Variants in SLC22A24 observed in about 807,000 individuals in gnomAD.
SLC22A24 encodes solute carrier family 22 member 24.
A neutral mutation model predicts 49.8 loss-of-function variants in SLC22A24; 53 were observed. The ratio of observed to expected loss-of-function variants is 1.06; its 90% CI spans 0.85 to 1.34. The LOEUF is 1.34. Among genes scored for constraint, SLC22A24 ranks in the 40% most tolerant of loss-of-function variants. The pLI is 0.00. For missense variants in SLC22A24, 786 were observed against 675.9 expected (o/e 1.16, Z -1.81); for synonymous variants, 302 against 256.4 (o/e 1.18, Z -1.70).
At chr11:63,137,806 A>G (rs1330731859) in intron 1 of SLC22A24, 1 of 152,212 alleles carries the variant, frequency 6.6e-6, no homozygotes, top group East Asian at 1.9e-4. Context: ...GAGCAGGATC[A>G]TCAGAAGCCA....
At chr11:63,124,986 G>C (rs1229119829) in intron 2 of SLC22A24, among the ~76,000 whole-genome samples, 1 of 151,778 alleles carries the variant, frequency 6.6e-6, no homozygotes, top group Non-Finnish European at 1.5e-5. Flanking sequence ...ATAGCATTAG[G>C]AGATATACCT....
chr11:63,131,881 C>T (rs72920248), intron 2 of SLC22A24, among the ~76,000 whole-genome samples: 15,190 of 152,250 alleles, frequency 0.1, 813 homozygotes, highest in East Asian at 0.2. Flanking sequence ...TATCTTCTAA[C>T]TTGGTTCCAT....
intron 1 of SLC22A24, 130 bp downstream of exon 1, chr11:63,143,248 C>T (rs1449281157): frequency 2.5e-5 from 17 of 690,418 alleles, no homozygotes; most frequent in Non-Finnish European, 3.6e-5. Context: ...CTGCCACCTG[C>T]TAAAGGAATG....
At chr11:63,099,647 C>A (rs2087078608) in intron 5 of SLC22A24, among the ~76,000 whole-genome samples, 1 of 151,916 alleles carries the variant, frequency 6.6e-6, no homozygotes, top group Admixed American at 6.6e-5. Context: ...GTTAATATCC[C>A]TGATGAATAT....
At chr11:63,116,579 T>C (rs1445523562) in intron 4 of SLC22A24, among the ~76,000 whole-genome samples, 1 of 152,202 alleles carries the variant, frequency 6.6e-6, no homozygotes, top group East Asian at 1.9e-4. Flanking sequence ...GGTATGGATC[T>C]TTTCAGTTTA....
At chr11:63,136,038 C>T (rs576757887) in intron 1 of SLC22A24, among the ~76,000 whole-genome samples, 1 of 152,304 alleles carries the variant, frequency 6.6e-6, no homozygotes, top group Admixed American at 6.5e-5. Flanking sequence ...GGTGAAAAAG[C>T]TCGATAAGTG....
At chr11:63,131,522 T>C (rs1459740368) in intron 2 of SLC22A24, among the ~76,000 whole-genome samples, 4 of 152,198 alleles carry the variant, frequency 2.6e-5, no homozygotes, top group Non-Finnish European at 5.9e-5. Flanking sequence ...GATTTTTATT[T>C]CTCCTTCACT....
At chr11:63,134,876 A>G in intron 1 of SLC22A24, 108 bp from the exon 2 acceptor site, 1 of 681,234 alleles carries the variant, frequency 1.5e-6, no homozygotes, top group South Asian at 2.1e-5. Flanking sequence ...TCTGCTAGGC[A>G]GGTCCTGCCT....
At chr11:63,083,154 G>T in intron 7 of SLC22A24, 89 bp downstream of exon 7, 3 of 1,075,800 alleles carry the variant, frequency 2.8e-6, no homozygotes, top group Non-Finnish European at 4.1e-6. Flanking sequence ...GGGCAATGCT[G>T]TTCTTTTGGC....
chr11:63,104,113 A>G (rs768485071), intron 5 of SLC22A24, 62 bp downstream of exon 5: 1 of 1,525,852 alleles, frequency 6.6e-7, no homozygotes, highest in Non-Finnish European at 8.8e-7. Context: ...AACCTAGACT[A>G]GTATGATTGT....
chr11:63,108,044 C>T (rs558040812), intron 4 of SLC22A24, among the ~76,000 whole-genome samples: 1 of 152,142 alleles, frequency 6.6e-6, no homozygotes, highest in African/African-American at 2.4e-5. Context: ...AGTTTTTGCC[C>T]ATTCAGTATG....
At chr11:63,136,250 A>G (rs2087373591) in intron 1 of SLC22A24, among the ~76,000 whole-genome samples, 1 of 152,148 alleles carries the variant, frequency 6.6e-6, no homozygotes, top group South Asian at 2.1e-4. Flanking sequence ...TTGCACGAAA[A>G]AAAGGTCATG....
At chr11:63,090,383 T>A (rs575265378) in intron 6 of SLC22A24, among the ~76,000 whole-genome samples, 247 of 152,116 alleles carry the variant, frequency 1.6e-3, no homozygotes, top group Admixed American at 3.9e-3. Context: ...TACAGAACTC[T>A]CCACCCCAAA....
chr11:63,113,437 A>G (rs6591744), intron 4 of SLC22A24, among the ~76,000 whole-genome samples: 107,485 of 151,128 alleles, frequency 0.71, 39,804 homozygotes, highest in East Asian at 0.9. Context: ...GAGTTCCTGT[A>G]AGGCAGGCCC....
At chr11:63,109,645 C>G (rs1050415493) in intron 4 of SLC22A24, among the ~76,000 whole-genome samples, 9 of 151,686 alleles carry the variant, frequency 5.9e-5, no homozygotes, top group Non-Finnish European at 8.8e-5. Flanking sequence ...TAAATGTCTT[C>G]TTTTGAGAAG....
At chr11:63,106,758 C>T (rs191840149) in intron 4 of SLC22A24, among the ~76,000 whole-genome samples, 149 of 152,208 alleles carry the variant, frequency 9.8e-4, no homozygotes, top group African/African-American at 3.4e-3. Context: ...TATCCTTCAC[C>T]CACTTTTTGA....
At chr11:63,103,576 G>A (rs1423102150) in intron 5 of SLC22A24, among the ~76,000 whole-genome samples, 1 of 152,088 alleles carries the variant, frequency 6.6e-6, no homozygotes, top group Admixed American at 6.6e-5. Context: ...TCAGGCTCTG[G>A]CTTCCAGTCA....
intron 7 of SLC22A24, 128 bp from the exon 8 acceptor site, chr11:63,081,794 C>A (rs1435288209): frequency 1.5e-6 from 1 of 670,682 alleles, no homozygotes. Flanking sequence ...TGCAACATGC[C>A]AGAGATTGGG....
chr11:63,098,253 A>G (rs1286520210), intron 5 of SLC22A24, among the ~76,000 whole-genome samples: 1 of 152,154 alleles, frequency 6.6e-6, no homozygotes, highest in African/African-American at 2.4e-5. Flanking sequence ...GAAGACAGAA[A>G]TTAAAACTAT....
Sources: allele counts gnomAD v4.1 joint callset (sites outside exome capture counted in the v4.1 genomes callset), GRCh38; gene constraint gnomAD v4.1.1; transcripts MANE v1.5; gene names NCBI Gene and HGNC (gene_info 2026-07-23, HGNC 2026-07-21).